FKBP9: variants seen among roughly 807,000 people sequenced by gnomAD.
The protein encoded by FKBP9 is peptidyl-prolyl cis-trans isomerase FKBP9.
In FKBP9, 27 loss-of-function variants were observed where a neutral mutation model predicts 55.6. The observed-to-expected ratio is 0.49, with a 90% CI of 0.36 to 0.67. FKBP9 has a LOEUF of 0.67. Among genes scored for constraint, FKBP9 ranks in the 30% least tolerant of loss-of-function variants. FKBP9 has a pLI of 0.00. For synonymous variants in FKBP9, 267 were observed against 296.5 expected (o/e 0.90, Z 1.02); for missense variants, 539 against 742.8 (o/e 0.73, Z 3.19).
intron 1 of FKBP9, among the ~76,000 whole-genome samples, chr7:32,965,824 T>TATATATATATATATATGTGTACAC (rs1784128167): frequency 5.5e-5 from 1 of 18,218 alleles, no homozygotes; most frequent in African/African-American, 2.2e-4. Flanking sequence ...TATATATATA[T>TATATATATATATATATGTGTACAC]ATATATATAT....
intron 1 of FKBP9, among the ~76,000 whole-genome samples, chr7:32,965,809 AAAAATATATATATATAT>A (rs1325814544): frequency 6.0e-5 from 1 of 16,718 alleles, no homozygotes; most frequent in African/African-American, 1.8e-4. Flanking sequence ...AAAAAAAAAA[AAAAATATATATATATAT>A]ATATATATAT....
intron 1 of FKBP9, among the ~76,000 whole-genome samples, chr7:32,960,108 CTTTTTTTTTT>C (rs398004304): frequency 1.0e-5 from 1 of 98,630 alleles, no homozygotes; most frequent in South Asian, 3.6e-4. Flanking sequence ...TTGTACTTGT[CTTTTTTTTTT>C]TTTTTTTTTT....
chr7:33,003,226 C>T (rs73689281), intron 9 of FKBP9, among the ~76,000 whole-genome samples: 7,527 of 152,184 alleles, frequency 0.049, 422 homozygotes, highest in African/African-American at 0.12. Flanking sequence ...CACACATCTA[C>T]TCAGTTGTTT....
intron 1 of FKBP9, among the ~76,000 whole-genome samples, chr7:32,974,031 T>C (rs1006099634): frequency 6.6e-6 from 1 of 151,828 alleles, no homozygotes; most frequent in African/African-American, 2.4e-5. Context: ...TTTTATTTTT[T>C]GAGACTCTGT....
chr7:32,988,058 T>A (rs1395062190), intron 5 of FKBP9, among the ~76,000 whole-genome samples: 1 of 151,616 alleles, frequency 6.6e-6, no homozygotes, highest in Non-Finnish European at 1.5e-5. Context: ...CATGTGCTTG[T>A]AGTCTCAGCT....
chr7:32,983,410 G>T lies in FKBP9; in HGVS notation c.893+2857G>T, dbSNP rs531102995. 1.2e-4 allele frequency among the ~76,000 whole-genome samples: 18 copies of T among 151,912 alleles called. No individual in the cohort carries two copies. The East Asian group carries it at 3.3e-3, about 28-fold the overall frequency. On this transcript the variant is annotated intron_variant, in intron 5 of 9. Transcript: ENST00000242209. Reference sequence around the variant, plus strand: ...GCTCACTGCAACCTCCACCTGCTGGGTTCAAGTGATTCTCCTGCCTCAGCC... The same window carrying T: ...GCTCACTGCAACCTCCACCTGCTGGTTTCAAGTGATTCTCCTGCCTCAGCC...
intron 1 of FKBP9, among the ~76,000 whole-genome samples, chr7:32,965,872 CAT>C (rs375541462): frequency 2.2e-4 from 16 of 73,426 alleles, no homozygotes; most frequent in South Asian, 6.2e-4. Context: ...TATATACATA[CAT>C]ATATATATAT....
chr7:32,982,505 C>T (rs1277589880), intron 5 of FKBP9, among the ~76,000 whole-genome samples: 1 of 152,170 alleles, frequency 6.6e-6, no homozygotes, highest in Non-Finnish European at 1.5e-5. Flanking sequence ...TTTACATCTA[C>T]ATGGCGTCCC....
chr7:33,005,374 C>A lies in FKBP9; in HGVS notation c.*23C>A, dbSNP rs755719646. 1.2e-5 allele frequency: 20 copies of A among 1,612,688 alleles called. No homozygotes were observed. The highest frequency in any genetic ancestry group is 1.5e-5 in the Non-Finnish European group (18 of 1,178,994). ...TAAACCTGGCATGAACCAGATGGTG[C>A]CAGGGAGTACGTGACACCAAGCCAC... On this transcript the variant is annotated 3_prime_UTR_variant, in exon 10 of 10. Transcript: ENST00000242209.
chr7:32,987,969 A>G (rs1784608431), intron 5 of FKBP9, among the ~76,000 whole-genome samples: 1 of 152,134 alleles, frequency 6.6e-6, no homozygotes, highest in East Asian at 1.9e-4. Context: ...CACTTGATCC[A>G]GGAGCTCAAG....
chr7:32,979,471 G>A, intron 4 of FKBP9: 1 of 1,513,614 alleles, frequency 6.6e-7, no homozygotes. Context: ...TTCCTTGGAT[G>A]GGAAGGAGAT....
At chr7:32,969,100 G>C (rs1784205373) in intron 1 of FKBP9, among the ~76,000 whole-genome samples, 1 of 151,946 alleles carries the variant, frequency 6.6e-6, no homozygotes, top group African/African-American at 2.4e-5. Context: ...ATTATTTTGT[G>C]GTCGTTGAGT....
At position 32,996,154 on chromosome 7, in the gene FKBP9, G is replaced by C. The variant is rs1433483641; in HGVS notation, c.1040-9G>C. ...GGTCATTCATTAATTCCCCGTGTCT[G>C]TCCTTTAGGGAATATCCCCGGCTCG... On this transcript the variant is annotated splice_polypyrimidine_tract_variant and intron_variant, in intron 6 of 9. Transcript: ENST00000242209. The C allele has an allele frequency of 6.2e-7, 1 of 1,613,646 alleles. No individual in the cohort carries two copies. Among genetic ancestry groups the C allele is most frequent in the Non-Finnish European group, 8.5e-7 (1 of 1,179,662 alleles).
chr7:32,981,664 T>G (rs2127983281), intron 5 of FKBP9, among the ~76,000 whole-genome samples: 1 of 152,238 alleles, frequency 6.6e-6, no homozygotes, highest in South Asian at 2.1e-4. Flanking sequence ...TCTTTTAAAT[T>G]TGTCATTTAA....
intron 1 of FKBP9, among the ~76,000 whole-genome samples, chr7:32,962,238 C>T (rs1236974726): frequency 6.6e-6 from 1 of 151,952 alleles, no homozygotes; most frequent in Non-Finnish European, 1.5e-5. Flanking sequence ...ACTAAAAATA[C>T]AAAAAATTAG....
chr7:32,979,854 C>G (rs1225826526), intron 4 of FKBP9, among the ~76,000 whole-genome samples: 1 of 151,772 alleles, frequency 6.6e-6, no homozygotes, highest in Non-Finnish European at 1.5e-5. Flanking sequence ...TGTTATTCTG[C>G]TTTCATCTTA....
intron 8 of FKBP9, among the ~76,000 whole-genome samples, chr7:33,001,605 G>T (rs1225509198): frequency 6.6e-6 from 1 of 151,396 alleles, no homozygotes; most frequent in South Asian, 2.1e-4. Context: ...ATAATACATA[G>T]CATATTATAT....
intron 5 of FKBP9, among the ~76,000 whole-genome samples, chr7:32,987,756 C>T (rs1446092208): frequency 6.6e-6 from 1 of 152,148 alleles, no homozygotes; most frequent in Non-Finnish European, 1.5e-5. Flanking sequence ...ACTTCAGCCT[C>T]CTGAGTAGCT....
At chr7:32,966,511 G>A (rs1315390468) in intron 1 of FKBP9, among the ~76,000 whole-genome samples, 2 of 152,044 alleles carry the variant, frequency 1.3e-5, no homozygotes, top group East Asian at 3.8e-4. Flanking sequence ...TTTTGCTCTG[G>A]GAGGCTGACA....
Sources: gnomAD v4.1 joint callset for allele counts (sites outside exome capture counted in the v4.1 genomes callset) on GRCh38, gnomAD v4.1.1 for gene constraint, MANE v1.5 for transcripts, NCBI Gene and HGNC (gene_info 2026-07-23, HGNC 2026-07-21) for gene names.